RNF213: variants seen among roughly 807,000 people sequenced by gnomAD.
The protein encoded by RNF213 is E3 ubiquitin-protein ligase RNF213.
A neutral mutation model predicts 514.4 loss-of-function variants in RNF213; 341 were observed. That is an observed-to-expected ratio of 0.66 (90% CI 0.61 to 0.73). The LOEUF (loss-of-function observed/expected upper bound fraction) is 0.73, where lower values mean the gene tolerates loss of function less well. Among genes scored for constraint, RNF213 ranks in the 30% least tolerant of loss-of-function variants. The pLI, the probability that RNF213 is intolerant of heterozygous loss-of-function variation, is 0.00. For missense variants in RNF213, 5,767 were observed against 6,615.6 expected (o/e 0.87, Z 4.45); for synonymous variants, 2,655 against 2,658.2 (o/e 1.00, Z 0.04).
rs1201641875 is a variant in RNF213, at chr17:80,390,169, C to T, written c.15443C>T (p.Thr5148Ile). Residue 5148 changes from threonine to isoleucine, a missense_variant, in exon 67 of 68, where the codon ACC (threonine) becomes ATC (isoleucine). By Grantham distance (89) the Thr-to-Ile change is moderately conservative (BLOSUM62 -1). This residue lies in a region of RNF213 where 1,245 missense variants were observed against 1,339.0 expected (regional missense o/e 0.93). Coordinates refer to ENST00000582970, the MANE Select transcript of RNF213 (RefSeq NM_001256071.3). ...AAACTAAAGAACCCCCAAACCCAAACCGAGGAGCGCTTCCGCCCTCAGTGG... is the reference window on the plus strand; with the variant it reads ...AAACTAAAGAACCCCCAAACCCAAATCGAGGAGCGCTTCCGCCCTCAGTGG... ...ILKLKNPQTQTEERFRPQWSL... is the reference protein window; with the variant it reads ...ILKLKNPQTQIEERFRPQWSL... 2 of 1,614,170 alleles carry T rather than the reference C, an allele frequency of 1.2e-6. No individual in the cohort carries two copies. The highest frequency in any genetic ancestry group is 1.7e-6 in the Non-Finnish European group (2 of 1,180,038).
At chr17:80,315,787 G>GTGA (rs1568059855) in intron 15 of RNF213, 1 of 20,312 alleles carries the variant, frequency 4.9e-5, no homozygotes, top group Admixed American at 4.6e-4. Flanking sequence ...GGTGGTGGTG[G>GTGA]TGGTGGTGGT....
At chr17:80,372,245 T>C (rs772394858) in intron 47 of RNF213, among the ~76,000 whole-genome samples, 25 of 152,254 alleles carry the variant, frequency 1.6e-4, no homozygotes, top group Non-Finnish European at 3.1e-4. Flanking sequence ...GGGGACATTA[T>C]GGATACTTTT....
At chr17:80,336,411 G>A (rs368432473) in intron 23 of RNF213, 33 bp downstream of exon 23, 218 of 1,522,436 alleles carry the variant, frequency 1.4e-4, no homozygotes, top group Non-Finnish European at 1.8e-4. Context: ...TGCAGATTTT[G>A]TTGAATAGAG....
chr17:80,307,369 T>G (rs1273284904), intron 13 of RNF213, among the ~76,000 whole-genome samples, 168 bp downstream of exon 13: 1 of 150,094 alleles, frequency 6.7e-6, no homozygotes, highest in Non-Finnish European at 1.5e-5. Context: ...TCTGTTTTTT[T>G]TTTTTTTTTT....
chr17:80,319,080 G>T, intron 16 of RNF213, 110 bp from the exon 17 acceptor site: 1 of 1,604,966 alleles, frequency 6.2e-7, no homozygotes, highest in Non-Finnish European at 8.5e-7. Flanking sequence ...AAAATTGGGG[G>T]AAACAGTAAA....
In RNF213 at chr17:80,343,888, A is replaced by T. The variant is rs781294273; in HGVS notation, c.6215A>T (p.Lys2072Met). ...VQTGIWVFLF[K>M]LLILQYLMDI... ...ACTGGAATTTGGGTGTTTCTTTTCA[A>T]GCTCCTCATTTTACAATACTTAATG... is the stretch of plus-strand genomic sequence containing the variant. The change falls in exon 28 of 68, where the codon AAG becomes ATG. Residue 2072 changes from lysine (K) to methionine (M), a missense_variant. Lys to Met is a moderately conservative substitution (Grantham distance 95, BLOSUM62 -1). Around this residue, in one of 13 missense-constraint regions of RNF213, gnomAD observed 1,377 missense variants for 1,635.2 expected, o/e 0.84. Transcript: ENST00000582970. The surrounding 1 kb of genome is among the most constrained non-coding windows in gnomAD (Gnocchi z 4.3). 6.8e-6 allele frequency: 11 copies of T among 1,614,176 alleles called. No individual in the cohort carries two copies. Among genetic ancestry groups the T allele is most frequent in the Admixed American group, 1.7e-5 (1 of 60,024 alleles).
chr17:80,381,014 G>C, intron 56 of RNF213, 27 bp downstream of exon 56: 7 of 1,613,726 alleles, frequency 4.3e-6, no homozygotes, highest in Non-Finnish European at 5.9e-6. Flanking sequence ...CCAAACAATG[G>C]GCTCAGTTAA....
At chr17:80,393,319 A>T (rs762824432) in intron 67 of RNF213, 26 bp from the exon 68 acceptor site, 1 of 1,611,530 alleles carries the variant, frequency 6.2e-7, no homozygotes, top group South Asian at 1.1e-5. Flanking sequence ...AGACTGTTTT[A>T]AATGCTCTCT....
chr17:80,358,692 T>C (rs111691875), intron 37 of RNF213, among the ~76,000 whole-genome samples: 3 of 152,214 alleles, frequency 2.0e-5, no homozygotes, highest in African/African-American at 7.2e-5. Flanking sequence ...AGGTGGATCA[T>C]GAGGTCAAGA....
chr17:80,336,136 T>A lies in RNF213; in HGVS notation c.4310-25T>A. 2.0e-6 allele frequency: 3 copies of A among 1,529,264 alleles called. No homozygotes were observed. In the South Asian group the frequency reaches 3.6e-5, roughly 18 times the overall value. 94.7% of individuals were successfully genotyped at this position (1,529,264 alleles called of 1,614,324 possible). On this transcript the variant is annotated intron_variant, in intron 22 of 67. Coordinates refer to ENST00000582970, the MANE Select transcript of RNF213 (RefSeq NM_001256071.3). ...GTGCTATCGTGGAATAGTCCCACGC[T>A]GAACTCCCCTCTTCTCTTCCCCAGG...
Position 80,345,429 on chromosome 17 carries a change from T to C in RNF213, c.7094T>C (p.Phe2365Ser). 1 of 1,613,590 alleles carries C rather than the reference T, an allele frequency of 6.2e-7. No individual in the cohort carries two copies. Among genetic ancestry groups the C allele is most frequent in the Non-Finnish European group, 8.5e-7 (1 of 1,179,618 alleles). Residue 2365 changes from phenylalanine (F) to serine (S), a missense_variant, in exon 29 of 68, where the codon TTT becomes TCT. By Grantham distance (155) the Phe-to-Ser change is radical (BLOSUM62 -2). Coordinates refer to ENST00000582970, the MANE Select transcript of RNF213 (RefSeq NM_001256071.3). The surrounding 1 kb of genome is among the most constrained non-coding windows in gnomAD (Gnocchi z 6.0). ...LLQRVPFNVD[F>S]DKLPRHKKLE... ...CAGAGGGTGCCCTTCAATGTCGACT[T>C]TGATAAACTGCCCAGACACAAGAAA...
In RNF213 at chr17:80,288,319, G is replaced by C. The variant is rs779904646; in HGVS notation, c.766G>C (p.Glu256Gln). Residue 256 changes from glutamate (E) to glutamine (Q), a missense_variant, in exon 4 of 68, where the codon GAA (glutamate) becomes CAA (glutamine). This residue lies in a region of RNF213 where 509 missense variants were observed against 496.7 expected (regional missense o/e 1.02). Transcript: ENST00000582970. The surrounding 1 kb of genome is among the most constrained non-coding windows in gnomAD (Gnocchi z 4.9). ...SKGGSSEPGT[E>Q]LQTTEQQAGA... Reference sequence around the variant, plus strand: ...AGGAGGCAGCTCTGAGCCCGGGACAGAACTGCAGACCACCGAGCAACAGGC... The same window carrying C: ...AGGAGGCAGCTCTGAGCCCGGGACACAACTGCAGACCACCGAGCAACAGGC... 1 of 1,612,972 alleles carries C rather than the reference G, an allele frequency of 6.2e-7. No homozygotes were observed. Among genetic ancestry groups the C allele is most frequent in the South Asian group, 1.1e-5 (1 of 91,088 alleles).
At chr17:80,324,994 C>G (rs2143895202) in intron 17 of RNF213, 36 bp from the exon 18 acceptor site, 1 of 1,525,762 alleles carries the variant, frequency 6.6e-7, no homozygotes, top group East Asian at 2.4e-5. Flanking sequence ...TAATGAAAAA[C>G]TTCTAAATGT....
At chr17:80,351,835 T>C (rs1404382454) in intron 32 of RNF213, 32 bp downstream of exon 32, 2 of 1,124,856 alleles carry the variant, frequency 1.8e-6, no homozygotes, top group Non-Finnish European at 2.7e-6. Context: ...GGGTATTTAT[T>C]TATGTATTTA....
Position 80,346,765 on chromosome 17 carries a change from C to T in RNF213, c.8430C>T (p.Ser2810=), listed in dbSNP as rs114014180. 7.9e-4 allele frequency: 1,273 copies of T among 1,613,590 alleles called. 8 individuals carry two copies. In the African/African-American group the frequency reaches 0.015, roughly 19 times the overall value. ...KQVHLVSFQC[S]PHSTPQGIIS... is the part of the protein sequence containing the mutation. Reference sequence around the variant, plus strand: ...TCCACCTGGTGTCCTTCCAGTGCAGCCCGCACTCCACCCCACAGGGCATCA... The same window carrying T: ...TCCACCTGGTGTCCTTCCAGTGCAGTCCGCACTCCACCCCACAGGGCATCA... Residue 2810 remains serine, a synonymous_variant, in exon 29 of 68, where the codon AGC becomes AGT. Transcript: ENST00000582970. This position sits in a 1 kb window ranked among gnomAD's most constrained non-coding sequence, Gnocchi z 8.1.
Position 80,395,238 on chromosome 17 carries a change from G to T in RNF213, c.*1740G>T, listed in dbSNP as rs555272957. The T allele has an allele frequency of 1.5e-5, 2 of 130,010 alleles. No individual in the cohort carries two copies. The highest frequency in any genetic ancestry group is 4.1e-4 in the East Asian group (2 of 4,862). The allele number at this position is 130,010 out of a possible 1,614,324, so 8.1% of individuals were successfully genotyped here. A position where few individuals can be genotyped will look rare whatever the true frequency, so the allele number is the denominator to read the frequency against. Reference sequence around the variant, plus strand: ...ACAGAAATATACTGGCCTAGCAGAGGCAAAAAAAAAAAAAATGAATTTTAT... The same window carrying T: ...ACAGAAATATACTGGCCTAGCAGAGTCAAAAAAAAAAAAAATGAATTTTAT... On this transcript the variant is annotated 3_prime_UTR_variant, in exon 68 of 68. Coordinates refer to ENST00000582970, the MANE Select transcript of RNF213 (RefSeq NM_001256071.3).
intron 1 of RNF213, among the ~76,000 whole-genome samples, 178 bp downstream of exon 1, chr17:80,261,080 G>C (rs559642783): frequency 2.0e-5 from 3 of 151,874 alleles, no homozygotes; most frequent in Non-Finnish European, 4.4e-5. Flanking sequence ...GTCCAGCCCC[G>C]CCCGCGGCGC....
chr17:80,305,236 T>G (rs993564117), intron 11 of RNF213, among the ~76,000 whole-genome samples: 2 of 148,124 alleles, frequency 1.4e-5, no homozygotes, highest in Non-Finnish European at 3.0e-5. Flanking sequence ...TGGAGTACAA[T>G]GGCACGATCT....
At chr17:80,332,692 G>T (rs1440958395) in intron 21 of RNF213, 61 bp downstream of exon 21, 4 of 1,441,658 alleles carry the variant, frequency 2.8e-6, no homozygotes, top group Non-Finnish European at 3.6e-6. Flanking sequence ...GCCTCTTCAG[G>T]AGCCATGGGC....
Sources: allele counts gnomAD v4.1 joint callset (sites outside exome capture counted in the v4.1 genomes callset), GRCh38; gene constraint gnomAD v4.1.1; regional missense constraint gnomAD v4.1.1; non-coding constraint Gnocchi (gnomAD v3.1); transcripts MANE v1.5; gene names NCBI Gene and HGNC (gene_info 2026-07-23, HGNC 2026-07-21).